ZNF541: variants seen among roughly 807,000 people sequenced by gnomAD.
ZNF541 encodes zinc finger protein 541.
A neutral mutation model predicts 123.5 loss-of-function variants in ZNF541; 23 were observed. The ratio of observed to expected loss-of-function variants is 0.19; its 90% CI spans 0.13 to 0.26. The LOEUF (loss-of-function observed/expected upper bound fraction) is 0.26, where lower values mean the gene tolerates loss of function less well. Ranked by LOEUF, ZNF541 falls within the 10% of genes least tolerant of loss-of-function variation. The pLI, the probability that ZNF541 is intolerant of heterozygous loss-of-function variation, is 1.00. For missense variants in ZNF541, 1,612 were observed against 1,789.9 expected (o/e 0.90, Z 1.79); for synonymous variants, 751 against 754.5 (o/e 1.00, Z 0.08).
intron 2 of ZNF541, among the ~76,000 whole-genome samples, chr19:47,570,937 G>T (rs1318383754): frequency 6.9e-6 from 1 of 145,412 alleles, no homozygotes; most frequent in Non-Finnish European, 1.5e-5. Context: ...AACAGAGAGA[G>T]ACTCCATCTC....
chr19:47,533,290 G>A (rs1269023759), intron 9 of ZNF541, among the ~76,000 whole-genome samples: 1 of 148,262 alleles, frequency 6.7e-6, no homozygotes, highest in African/African-American at 2.5e-5. Context: ...AACCCAGGAG[G>A]CGGAGCTTGC....
intron 2 of ZNF541, among the ~76,000 whole-genome samples, chr19:47,568,375 TA>T (rs1971346966): frequency 6.6e-6 from 1 of 152,094 alleles, no homozygotes; most frequent in Non-Finnish European, 1.5e-5. Context: ...GACAGGGTCT[TA>T]CTCTGTCGCC....
At chr19:47,540,465 A>G (rs1364418815) in intron 6 of ZNF541, 130 bp from the exon 7 acceptor site, 4 of 966,880 alleles carry the variant, frequency 4.1e-6, no homozygotes, top group African/African-American at 1.8e-5. Flanking sequence ...TTGGAGATGG[A>G]GTCTCACTCT....
chr19:47,555,470 C>T (rs1970779263), intron 3 of ZNF541, 80 bp downstream of exon 3: 5 of 1,387,024 alleles, frequency 3.6e-6, no homozygotes, highest in Middle Eastern at 4.2e-4. Flanking sequence ...CTTAACCAAT[C>T]CATGCAGAAT....
intron 14 of ZNF541, among the ~76,000 whole-genome samples, chr19:47,527,824 C>T (rs528698559): frequency 6.1e-4 from 92 of 151,830 alleles, no homozygotes; most frequent in African/African-American, 2.1e-3. Context: ...CTCAGCCTCC[C>T]GAGTAGCTGG....
intron 4 of ZNF541, among the ~76,000 whole-genome samples, chr19:47,547,603 T>G (rs533061260): frequency 1.3e-5 from 2 of 152,230 alleles, no homozygotes; most frequent in East Asian, 3.9e-4. Flanking sequence ...CATGAGCAAA[T>G]TGGCTCCTTT....
At chr19:47,532,060 G>T (rs956173726) in intron 11 of ZNF541, 68 bp downstream of exon 11, 10 of 1,535,588 alleles carry the variant, frequency 6.5e-6, no homozygotes, top group Non-Finnish European at 8.8e-6. Flanking sequence ...AGACCTAGGA[G>T]GAAAAACACC....
intron 2 of ZNF541, among the ~76,000 whole-genome samples, chr19:47,556,965 C>T (rs1970850078): frequency 1.3e-5 from 2 of 152,020 alleles, no homozygotes; most frequent in South Asian, 4.2e-4. Context: ...ACCATGTTTC[C>T]CAGGCTGATC....
intron 2 of ZNF541, among the ~76,000 whole-genome samples, chr19:47,565,867 A>AT (rs202209595): frequency 6.6e-6 from 1 of 151,890 alleles, no homozygotes; most frequent in African/African-American, 2.4e-5. Context: ...AGCAATTTTA[A>AT]TTTTTTTTCT....
intron 2 of ZNF541, among the ~76,000 whole-genome samples, chr19:47,564,726 C>T (rs1971196000): frequency 2.0e-5 from 3 of 152,318 alleles, no homozygotes; most frequent in Non-Finnish European, 2.9e-5. Flanking sequence ...TAAACTAGTA[C>T]AGCCACTATA....
intron 4 of ZNF541, among the ~76,000 whole-genome samples, chr19:47,547,796 T>A (rs1038558367): frequency 6.6e-6 from 1 of 152,092 alleles, no homozygotes; most frequent in African/African-American, 2.4e-5. Flanking sequence ...TTCCAAGACA[T>A]TAAGCGGTGG....
chr19:47,568,945 C>T (rs1016063799), intron 2 of ZNF541, among the ~76,000 whole-genome samples: 6 of 152,176 alleles, frequency 3.9e-5, no homozygotes, highest in African/African-American at 9.7e-5. Flanking sequence ...GCTAGGATTA[C>T]AGGCGTGAGC....
chr19:47,540,729 C>T (rs925816297), intron 6 of ZNF541, among the ~76,000 whole-genome samples, 164 bp downstream of exon 6: 24 of 152,148 alleles, frequency 1.6e-4, no homozygotes, highest in African/African-American at 4.3e-4. Flanking sequence ...CGTGAGCCAC[C>T]GCGTCCAGCC....
In ZNF541 at chr19:47,532,124, C is replaced by T; in HGVS notation, c.3301+4G>A. The T allele has an allele frequency of 1.3e-6, 2 of 1,551,176 alleles. No homozygotes were observed. Among genetic ancestry groups the T allele is most frequent in the Non-Finnish European group, 1.7e-6 (2 of 1,146,700 alleles). On this transcript the variant is annotated splice_donor_region_variant and intron_variant, in intron 11 of 16. Coordinates refer to ENST00000391901, the MANE Select transcript of ZNF541 (RefSeq NM_001277075.3). ...TAGGAATTTAGCCCCAAAGCCTCAGCCACCTCTATCCTGTGTCTCTGAGCT... is the reference window on the plus strand; with the variant it reads ...TAGGAATTTAGCCCCAAAGCCTCAGTCACCTCTATCCTGTGTCTCTGAGCT...
At chr19:47,562,109 T>C (rs1971086498) in intron 2 of ZNF541, among the ~76,000 whole-genome samples, 1 of 151,596 alleles carries the variant, frequency 6.6e-6, no homozygotes, top group East Asian at 1.9e-4. Flanking sequence ...ATTAGCTGGC[T>C]GTGGTGGCAG....
chr19:47,544,386 C>T lies in ZNF541; in HGVS notation c.2143G>A (p.Gly715Arg). ...GEEPPGASLP[G>R]KQAPAENGAA... ...CCATTCTCGGCTGGGGCCTGCTTCC[C>T]TGGCAGCGAGGCTCCTGGTGGCTCC... The change falls in exon 5 of 17, where the codon GGG (glycine) becomes AGG (arginine). Residue 715 changes from glycine (G) to arginine (R), a missense_variant. This residue lies in a region of ZNF541 where 1,080 missense variants were observed against 1,013.8 expected (regional missense o/e 1.07). Coordinates refer to ENST00000391901, the MANE Select transcript of ZNF541 (RefSeq NM_001277075.3). 6.4e-7 allele frequency: 1 copy of T among 1,551,646 alleles called. No homozygotes were observed. The highest frequency in any genetic ancestry group is 8.7e-7 in the Non-Finnish European group (1 of 1,147,008).
At chr19:47,557,538 C>T (rs1026908979) in intron 2 of ZNF541, among the ~76,000 whole-genome samples, 3 of 152,070 alleles carry the variant, frequency 2.0e-5, no homozygotes, top group African/African-American at 7.2e-5. Context: ...AACATACAGG[C>T]ATGAGAGAGG....
In ZNF541 at chr19:47,538,745, G is replaced by A. The variant is rs563860980; in HGVS notation, c.2797-306C>T. 1.8e-4 allele frequency among the ~76,000 whole-genome samples: 27 copies of A among 152,226 alleles called. No individual in the cohort carries two copies. The South Asian group carries it at 4.1e-3, about 23-fold the overall frequency. ...GAGATCCCCAGAGATACAGTGTGACGGTGAAGAAAGAAATGCTGCTCCACC... is the reference window on the plus strand; with the variant it reads ...GAGATCCCCAGAGATACAGTGTGACAGTGAAGAAAGAAATGCTGCTCCACC... On this transcript the variant is annotated intron_variant, in intron 8 of 16. Transcript: ENST00000391901.
At chr19:47,569,864 C>T (rs1487337748) in intron 2 of ZNF541, among the ~76,000 whole-genome samples, 1 of 142,878 alleles carries the variant, frequency 7.0e-6, no homozygotes, top group Non-Finnish European at 1.5e-5. Flanking sequence ...GGGCAAACAG[C>T]GAAACCCTGT....
Sources: allele counts gnomAD v4.1 joint callset (sites outside exome capture counted in the v4.1 genomes callset), GRCh38; gene constraint gnomAD v4.1.1; regional missense constraint gnomAD v4.1.1; transcripts MANE v1.5; gene names NCBI Gene and HGNC (gene_info 2026-07-23, HGNC 2026-07-21).